The following DUSP8 variants were observed in gnomAD, a reference collection of about 807,000 sequenced individuals.
DUSP8 encodes dual specificity phosphatase 8, also known as dual specificity protein phosphatase 8.
A neutral mutation model predicts 38.7 loss-of-function variants in DUSP8; 15 were observed. That is an observed-to-expected ratio of 0.39 (90% CI 0.26 to 0.60). DUSP8 has a LOEUF of 0.60. Among genes scored for constraint, DUSP8 ranks in the 20% least tolerant of loss-of-function variants. The pLI, the probability that DUSP8 is intolerant of heterozygous loss-of-function variation, is 0.56. For synonymous variants in DUSP8, 458 were observed against 433.9 expected (o/e 1.06, Z -0.69); for missense variants, 768 against 915.0 (o/e 0.84, Z 2.07).
Position 1,556,196 on chromosome 11 carries a change from G to T in DUSP8, c.*322C>A. 3.8e-6 allele frequency: 1 copy of T among 263,956 alleles called. No individual in the cohort carries two copies. Among genetic ancestry groups the T allele is most frequent in the Non-Finnish European group, 7.1e-6 (1 of 141,502 alleles). The allele number at this position is 263,956 out of a possible 1,614,324, so 16.4% of individuals were successfully genotyped here. On this transcript the variant is annotated 3_prime_UTR_variant, in exon 7 of 7. Coordinates refer to ENST00000397374, the MANE Select transcript of DUSP8 (RefSeq NM_004420.3). This position sits in a 1 kb window ranked among gnomAD's most constrained non-coding sequence, Gnocchi z 5.2. ...AGTGCACGAAAGCTCGGCAGCCTTT[G>T]CAAAGGTCAGCAGTGTTTCCTGGGG... is the stretch of plus-strand genomic sequence containing the variant.
intron 3 of DUSP8, among the ~76,000 whole-genome samples, chr11:1,562,988 C>T (rs1294050159): frequency 2.6e-5 from 4 of 152,186 alleles, no homozygotes; most frequent in African/African-American, 4.8e-5. Flanking sequence ...CCCCCACAGT[C>T]GCCCTCAGGC....
At position 1,556,700 on chromosome 11, in the gene DUSP8, G is replaced by A. The variant is rs935486782; in HGVS notation, c.1696C>T (p.Pro566Ser). Residue 566 changes from proline to serine, a missense_variant, in exon 7 of 7, where the codon CCC becomes TCC. By Grantham distance (74) the Pro-to-Ser change is moderately conservative. Transcript: ENST00000397374. This position sits in a 1 kb window ranked among gnomAD's most constrained non-coding sequence, Gnocchi z 5.2. ...GGCCAGCCGGTCCGCGCGTCCCGGG[G>A]CTCAGCCCTCGCTGCCTCCCGCCGC... is the stretch of plus-strand genomic sequence containing the variant. ...LRRREAARAEPRDARTGWPEE... is the reference protein window; with the variant it reads ...LRRREAARAESRDARTGWPEE... 4.0e-6 allele frequency: 5 copies of A among 1,265,446 alleles called. No individual in the cohort carries two copies. The highest frequency in any genetic ancestry group is 4.0e-5 in the Admixed American group (1 of 24,774). 78.4% of individuals were successfully genotyped at this position (1,265,446 alleles called of 1,614,324 possible).
At chr11:1,564,195 C>T (rs993906374) in intron 2 of DUSP8, among the ~76,000 whole-genome samples, 2 of 152,246 alleles carry the variant, frequency 1.3e-5, no homozygotes, top group Admixed American at 1.3e-4. Flanking sequence ...ACCCACACCA[C>T]ACAGCAAGCC....
chr11:1,566,602 C>T (rs1265859254), intron 1 of DUSP8, among the ~76,000 whole-genome samples: 1 of 152,202 alleles, frequency 6.6e-6, no homozygotes, highest in African/African-American at 2.4e-5. Flanking sequence ...TCCTGACCTG[C>T]AGGCTGAGGT....
chr11:1,557,054 C>G lies in DUSP8; in HGVS notation c.1342G>C (p.Glu448Gln). 2.6e-6 allele frequency: 3 copies of G among 1,158,542 alleles called. No individual in the cohort carries two copies. Among genetic ancestry groups the G allele is most frequent in the Middle Eastern group, 3.6e-4 (1 of 2,814 alleles). The allele number at this position is 1,158,542 out of a possible 1,614,324, so 71.8% of individuals were successfully genotyped here. A position where few individuals can be genotyped will look rare whatever the true frequency, so the allele number is the denominator to read the frequency against. Residue 448 changes from glutamate (E) to glutamine (Q), a missense_variant, in exon 7 of 7, where the codon GAG becomes CAG. Physicochemically the swap from Glu to Gln is conservative, Grantham distance 29. Around this residue, in one of 3 missense-constraint regions of DUSP8, gnomAD observed 474 missense variants for 430.8 expected, o/e 1.10. Coordinates refer to ENST00000397374, the MANE Select transcript of DUSP8 (RefSeq NM_004420.3). The surrounding 1 kb of genome is among the most constrained non-coding windows in gnomAD (Gnocchi z 9.9). ...PSPDSPDAAP[E>Q]ARPRPRRRPR... is the part of the protein sequence containing the mutation. ...CGCCGGCGGGGCCGTGGGCGCGCCT[C>G]AGGCGCGGCGTCCGGGCTGTCCGGG...
chr11:1,555,157 G>A lies in DUSP8; in HGVS notation c.*1361C>T, dbSNP rs1848602480. ...CATCTGAAGGGCAGGGGTCCCAATGGCCCGAGGGGGTATGGGGCAGGGGCA... is the reference window on the plus strand; with the variant it reads ...CATCTGAAGGGCAGGGGTCCCAATGACCCGAGGGGGTATGGGGCAGGGGCA... On this transcript the variant is annotated 3_prime_UTR_variant, in exon 7 of 7. Transcript: ENST00000397374. 1 of 987,782 alleles carries A rather than the reference G, an allele frequency of 1.0e-6. No homozygotes were observed. The allele number at this position is 987,782 out of a possible 1,614,324, so 61.2% of individuals were successfully genotyped here. A position where few individuals can be genotyped will look rare whatever the true frequency, so the allele number is the denominator to read the frequency against.
At position 1,558,741 on chromosome 11, in the gene DUSP8, T is replaced by A. The variant is rs2133432796; in HGVS notation, c.537+148A>T. ...ATGGGTGGGGAGCCTGGGGTCCTCCTGGGCCCCCACCCATGCTTCTCCCAC... is the reference window on the plus strand; with the variant it reads ...ATGGGTGGGGAGCCTGGGGTCCTCCAGGGCCCCCACCCATGCTTCTCCCAC... On this transcript the variant is annotated intron_variant, in intron 4 of 6. Coordinates refer to ENST00000397374, the MANE Select transcript of DUSP8 (RefSeq NM_004420.3). This position sits in a 1 kb window ranked among gnomAD's most constrained non-coding sequence, Gnocchi z 6.3. 7 of 984,662 alleles carry A rather than the reference T, an allele frequency of 7.1e-6. No homozygotes were observed. Among genetic ancestry groups the A allele is most frequent in the South Asian group, 3.7e-5 (2 of 54,764 alleles). 61.0% of individuals were successfully genotyped at this position (984,662 alleles called of 1,614,324 possible).
Position 1,558,999 on chromosome 11 carries a change from C to T in DUSP8, c.427G>A (p.Ala143Thr), listed in dbSNP as rs779478678. Residue 143 changes from alanine to threonine, a missense_variant, in exon 4 of 7, where the codon GCC (alanine) becomes ACC (threonine). By Grantham distance (58) the Ala-to-Thr change is moderately conservative. Coordinates refer to ENST00000397374, the MANE Select transcript of DUSP8 (RefSeq NM_004420.3). This position sits in a 1 kb window ranked among gnomAD's most constrained non-coding sequence, Gnocchi z 6.3. ...FPGLCEGKPA[A>T]LLPMSLSQPC... ...TGGGAGAGGCTCATGGGTAGCAGGG[C>T]AGCAGGCTTGCCCTCGCAGAGGCCG... 1.4e-5 allele frequency: 22 copies of T among 1,610,658 alleles called. No homozygotes were observed. Among genetic ancestry groups the T allele is most frequent in the Non-Finnish European group, 1.9e-5 (22 of 1,179,372 alleles).
At position 1,565,743 on chromosome 11, in the gene DUSP8, CA is replaced by C. The variant is rs1848792289; in HGVS notation, c.83del (p.Leu28ArgfsTer28). On this transcript the variant is annotated frameshift_variant, in exon 2 of 7. Transcript: ENST00000397374. LOFTEE classifies it high-confidence loss of function. ...SLLRGGPGGP[L>X]VIDSRSFVEY... ...CCACGAAGGAGCGGCTGTCGATGAC[CA>C]GCGGCCCCCCAGGCCCGCCCCGCAG... The C allele has an allele frequency of 6.2e-7, 1 of 1,611,700 alleles. No individual in the cohort carries two copies. Among genetic ancestry groups the C allele is most frequent in the Non-Finnish European group, 8.5e-7 (1 of 1,179,654 alleles).
chr11:1,559,119 G>T (rs1310224730), intron 3 of DUSP8, 64 bp from the exon 4 acceptor site: 3 of 1,506,332 alleles, frequency 2.0e-6, no homozygotes, highest in Non-Finnish European at 1.8e-6. Context: ...CGCCTAGGGT[G>T]CCCTGTCCGC....
intron 3 of DUSP8, among the ~76,000 whole-genome samples, chr11:1,561,995 G>C (rs898322954): frequency 2.6e-5 from 4 of 152,238 alleles, no homozygotes; most frequent in Non-Finnish European, 5.9e-5. Flanking sequence ...CACTTCTGGA[G>C]AAAAGGGGAC....
At chr11:1,569,887 T>C (rs117274847) in intron 1 of DUSP8, among the ~76,000 whole-genome samples, 1 of 152,256 alleles carries the variant, frequency 6.6e-6, no homozygotes, top group East Asian at 1.9e-4. Flanking sequence ...ATCGTCACAC[T>C]AAGGAGGCTG....
rs1310985500 is a variant in DUSP8, at chr11:1,558,277, G to A, written c.538-6C>T. 6.4e-7 allele frequency: 1 copy of A among 1,551,098 alleles called. No homozygotes were observed. Among genetic ancestry groups the A allele is most frequent in the South Asian group, 1.2e-5 (1 of 86,306 alleles). On this transcript the variant is annotated splice_polypyrimidine_tract_variant and splice_region_variant and intron_variant, in intron 4 of 6. Transcript: ENST00000397374. This position sits in a 1 kb window ranked among gnomAD's most constrained non-coding sequence, Gnocchi z 6.3. ...CCATTTTGCGTCATCAGATCCTGGA[G>A]GGGCGGGAGGGCGGGTTGGAAAGGG...
Position 1,556,455 on chromosome 11 carries a change from A to G in DUSP8, c.*63T>C. The G allele has an allele frequency of 8.1e-7, 1 of 1,230,414 alleles. No individual in the cohort carries two copies. The highest frequency in any genetic ancestry group is 1.6e-5 in the African/African-American group (1 of 64,466). The allele number at this position is 1,230,414 out of a possible 1,614,324, so 76.2% of individuals were successfully genotyped here. A position where few individuals can be genotyped will look rare whatever the true frequency, so the allele number is the denominator to read the frequency against. On this transcript the variant is annotated 3_prime_UTR_variant, in exon 7 of 7. Coordinates refer to ENST00000397374, the MANE Select transcript of DUSP8 (RefSeq NM_004420.3). The surrounding 1 kb of genome is among the most constrained non-coding windows in gnomAD (Gnocchi z 5.2). ...AAAACCATTTACCTTTCTTTGCATTATATATAATATACATTTATAACGGGC... is the reference window on the plus strand; with the variant it reads ...AAAACCATTTACCTTTCTTTGCATTGTATATAATATACATTTATAACGGGC...
At chr11:1,566,705 G>A (rs1312390878) in intron 1 of DUSP8, among the ~76,000 whole-genome samples, 1 of 152,200 alleles carries the variant, frequency 6.6e-6, no homozygotes, top group African/African-American at 2.4e-5. Context: ...GCGGAGCCTG[G>A]GGTCTAGGAG....
In DUSP8 at chr11:1,565,912, T is replaced by G. The variant is rs989870875; in HGVS notation, c.-86A>C. 1.0e-5 allele frequency: 12 copies of G among 1,151,354 alleles called. No homozygotes were observed. In the African/African-American group the frequency reaches 1.8e-4, roughly 17 times the overall value. The allele number at this position is 1,151,354 out of a possible 1,614,324, so 71.3% of individuals were successfully genotyped here. A position where few individuals can be genotyped will look rare whatever the true frequency, so the allele number is the denominator to read the frequency against. ...CCCAGGTGTGGCCTCGCGCTGGGAG[T>G]GACCTAGCACATGGTGCTGGACCTG... On this transcript the variant is annotated 5_prime_UTR_variant, in exon 2 of 7. Coordinates refer to ENST00000397374, the MANE Select transcript of DUSP8 (RefSeq NM_004420.3).
rs370372675 is a variant in DUSP8, at chr11:1,567,143, C to A, written c.-108-1209G>T. On this transcript the variant is annotated intron_variant, in intron 1 of 6. Coordinates refer to ENST00000397374, the MANE Select transcript of DUSP8 (RefSeq NM_004420.3). ...TGCAATGCCATCTTCCCTGTGCCCC[C>A]ACAGCTGCCAGGCAGTCAGGAAGTT... Among the ~76,000 whole-genome samples the A allele has an allele frequency of 6.3e-4, 96 of 152,308 alleles. 4 individuals are homozygous for A. The South Asian group carries it at 0.02, about 31-fold the overall frequency.
rs1353363593 is a variant in DUSP8, at chr11:1,556,640, G to A, written c.1756C>T (p.Arg586Cys). Residue 586 changes from arginine to cysteine, a missense_variant, in exon 7 of 7, where the codon CGC (arginine) becomes TGC (cysteine). Coordinates refer to ENST00000397374, the MANE Select transcript of DUSP8 (RefSeq NM_004420.3). The surrounding 1 kb of genome is among the most constrained non-coding windows in gnomAD (Gnocchi z 5.2). ...TCCTCGAACTCCATCTGGCAGCTGC[G>A]GCGCTTGAACTGCGTCTCCGGGGCC... ...EPAPETQFKR[R>C]SCQMEFEEGM... The A allele has an allele frequency of 5.6e-6, 8 of 1,422,294 alleles. No individual in the cohort carries two copies. Among genetic ancestry groups the A allele is most frequent in the Non-Finnish European group, 6.4e-6 (7 of 1,085,534 alleles). 88.1% of individuals were successfully genotyped at this position (1,422,294 alleles called of 1,614,324 possible). A position where few individuals can be genotyped will look rare whatever the true frequency, so the allele number is the denominator to read the frequency against.
chr11:1,569,810 T>A (rs1848860104), intron 1 of DUSP8, among the ~76,000 whole-genome samples: 1 of 152,146 alleles, frequency 6.6e-6, no homozygotes, highest in Admixed American at 6.5e-5. Flanking sequence ...TGTCTCCCCC[T>A]CACACCTAGG....
Sources: allele counts gnomAD v4.1 joint callset (sites outside exome capture counted in the v4.1 genomes callset), GRCh38; gene constraint gnomAD v4.1.1; regional missense constraint gnomAD v4.1.1; non-coding constraint Gnocchi (gnomAD v3.1); transcripts MANE v1.5; gene names NCBI Gene and HGNC (gene_info 2026-07-23, HGNC 2026-07-21).